DLC1: variants seen among roughly 807,000 people sequenced by gnomAD.
DLC1 encodes rho GTPase-activating protein 7.
In DLC1, 54 loss-of-function variants were observed where a neutral mutation model predicts 140.3. The observed-to-expected ratio is 0.38, with a 90% CI of 0.31 to 0.48. The LOEUF is 0.48. Ranked by LOEUF, DLC1 falls within the 20% of genes least tolerant of loss-of-function variation. DLC1 has a pLI of 0.96. For synonymous variants in DLC1, 986 were observed against 728.1 expected (o/e 1.35, Z -5.70); for missense variants, 2,536 against 1,907.0 (o/e 1.33, Z -6.14).
At position 13,405,860 on chromosome 8, in the gene DLC1, CTCTTT is replaced by C. The variant is rs1165704228; in HGVS notation, c.1024-4246_1024-4242del. ...TCCCTCCCTCCCTTTCTGTCTTTCT[CTCTTT>C]TCTTTTCTTTTTTCTTTTCTTTTCT... On this transcript the variant is annotated intron_variant, in intron 2 of 17. Transcript: ENST00000276297. Among the ~76,000 whole-genome samples, 224 of 140,200 alleles carry C rather than the reference CTCTTT, an allele frequency of 1.6e-3. 4 individuals are homozygous for C. In the South Asian group the frequency reaches 0.045, roughly 28 times the overall value. 92.0% of individuals were successfully genotyped at this position (140,200 alleles called of 152,430 possible).
chr8:13,267,294 G>A (rs1479318250), intron 5 of DLC1, among the ~76,000 whole-genome samples: 1 of 151,722 alleles, frequency 6.6e-6, no homozygotes, highest in African/African-American at 2.4e-5. Flanking sequence ...GGTAGATTAG[G>A]AATGTTCTTA....
chr8:13,217,786 C>A (rs972827847), intron 5 of DLC1, among the ~76,000 whole-genome samples: 1 of 151,236 alleles, frequency 6.6e-6, no homozygotes, highest in Non-Finnish European at 1.5e-5. Flanking sequence ...TGCGGTGAGC[C>A]GAGATCACGC....
intron 5 of DLC1, among the ~76,000 whole-genome samples, chr8:13,189,831 A>G (rs1302926785): frequency 2.0e-5 from 3 of 151,960 alleles, no homozygotes; most frequent in Admixed American, 2.0e-4. Context: ...GCGGTGAGCC[A>G]AGATCGCGCC....
intron 4 of DLC1, among the ~76,000 whole-genome samples, chr8:13,377,794 G>A (rs1283486887): frequency 6.6e-6 from 1 of 151,854 alleles, no homozygotes; most frequent in Non-Finnish European, 1.5e-5. Context: ...TTGAATAGGT[G>A]GCGCCTAATG....
chr8:13,192,010 C>T (rs529900368), intron 5 of DLC1, among the ~76,000 whole-genome samples: 29 of 149,560 alleles, frequency 1.9e-4, no homozygotes, highest in African/African-American at 6.7e-4. Context: ...GGTGTGATCT[C>T]GGCTCACTGC....
Position 13,500,104 on chromosome 8 carries a change from T to C in DLC1, c.-33A>G. 4 of 1,567,272 alleles carry C rather than the reference T, an allele frequency of 2.6e-6. No homozygotes were observed. The highest frequency in any genetic ancestry group is 1.1e-5 in the South Asian group (1 of 87,986). On this transcript the variant is annotated 5_prime_UTR_variant, in exon 2 of 18. It adds an upstream start codon to the 5' untranslated region. Transcript: ENST00000276297. ...TAGTTTAACAACAGACAGAGAGATA[T>C]ATTCCATATGAGGGTAAAGGAGATG...
intron 2 of DLC1, among the ~76,000 whole-genome samples, chr8:13,437,478 T>C (rs1483828618): frequency 6.6e-6 from 1 of 152,226 alleles, no homozygotes; most frequent in Admixed American, 6.5e-5. Flanking sequence ...GTAAGCCAAG[T>C]AAATCATGTT....
chr8:13,368,291 C>G (rs772841440), intron 4 of DLC1, among the ~76,000 whole-genome samples: 1 of 151,864 alleles, frequency 6.6e-6, no homozygotes, highest in Non-Finnish European at 1.5e-5. Flanking sequence ...CATTACCAAA[C>G]TCAAATTCAT....
intron 4 of DLC1, 139 bp downstream of exon 4, chr8:13,393,410 CTTAA>C: frequency 1.1e-6 from 1 of 945,234 alleles, no homozygotes; most frequent in Non-Finnish European, 1.5e-6. Context: ...TAGGGTTGTA[CTTAA>C]TTAAATAAAT....
chr8:13,457,917 A>T (rs1337297737), intron 2 of DLC1, among the ~76,000 whole-genome samples: 4 of 152,060 alleles, frequency 2.6e-5, no homozygotes, highest in African/African-American at 9.7e-5. Context: ...GAAGTTATTT[A>T]TCATTGATCC....
intron 5 of DLC1, among the ~76,000 whole-genome samples, chr8:13,275,899 G>GC (rs1831142875): frequency 6.6e-6 from 1 of 152,132 alleles, no homozygotes; most frequent in Non-Finnish European, 1.5e-5. Context: ...ACCCGAGACA[G>GC]CCCCGAGGAT....
rs530039702 is a variant in DLC1, at chr8:13,583,672, A to G, written c.-126+20865T>C. Among the ~76,000 whole-genome samples the G allele has an allele frequency of 7.2e-5, 11 of 152,356 alleles. No individual in the cohort carries two copies. The South Asian group carries it at 2.3e-3, about 32-fold the overall frequency. ...TGTCAGAGGATTGACAACAAAGACA[A>G]ACCTATTAATTCTTTAGCGAAATAT... On this transcript the variant is annotated intron_variant, in intron 1 of 1. Transcript: ENST00000631382.
At chr8:13,332,155 A>T (rs911086625) in intron 4 of DLC1, among the ~76,000 whole-genome samples, 1 of 152,250 alleles carries the variant, frequency 6.6e-6, no homozygotes, top group Non-Finnish European at 1.5e-5. Context: ...ATTAAAAACA[A>T]AACACAAAAC....
At chr8:13,194,039 T>C (rs1563154223) in intron 5 of DLC1, among the ~76,000 whole-genome samples, 1 of 152,208 alleles carries the variant, frequency 6.6e-6, no homozygotes, top group Non-Finnish European at 1.5e-5. Flanking sequence ...GAGTCAATGA[T>C]AGAGAGTGGC....
intron 1 of DLC1, among the ~76,000 whole-genome samples, chr8:13,552,121 A>G (rs1399845421): frequency 2.4e-5 from 3 of 126,452 alleles, no homozygotes; most frequent in Non-Finnish European, 3.3e-5. Flanking sequence ...GTATATATAT[A>G]TATATATATA....
intron 2 of DLC1, among the ~76,000 whole-genome samples, chr8:13,470,290 T>C (rs1800147633): frequency 6.6e-6 from 1 of 152,158 alleles, no homozygotes; most frequent in African/African-American, 2.4e-5. Context: ...TATAACAGAT[T>C]GGGAGAAAAT....
chr8:13,323,285 T>C (rs1344831024), intron 4 of DLC1, among the ~76,000 whole-genome samples: 1 of 152,250 alleles, frequency 6.6e-6, no homozygotes, highest in African/African-American at 2.4e-5. Context: ...ATATTTTATA[T>C]ACATCTGTAA....
At chr8:13,381,872 C>CA (rs547785449) in intron 4 of DLC1, among the ~76,000 whole-genome samples, 19 of 151,896 alleles carry the variant, frequency 1.3e-4, no homozygotes, top group Non-Finnish European at 2.8e-4. Context: ...GGCACCATAA[C>CA]AAAAAAACTA....
At chr8:13,365,480 A>G (rs948041771) in intron 4 of DLC1, among the ~76,000 whole-genome samples, 5 of 152,090 alleles carry the variant, frequency 3.3e-5, no homozygotes, top group African/African-American at 1.2e-4. Context: ...ATCCTACTCT[A>G]GATGTGACCA....
Sources: gnomAD v4.1 joint callset for allele counts (sites outside exome capture counted in the v4.1 genomes callset) on GRCh38, gnomAD v4.1.1 for gene constraint, MANE v1.5 for transcripts, NCBI Gene and HGNC (gene_info 2026-07-23, HGNC 2026-07-21) for gene names.